Variants in STXBP5L observed in about 807,000 individuals in gnomAD.
The protein encoded by STXBP5L is syntaxin binding protein 5L.
A neutral mutation model predicts 144.5 loss-of-function variants in STXBP5L; 65 were observed. That is an observed-to-expected ratio of 0.45 (90% CI 0.37 to 0.55). The LOEUF (loss-of-function observed/expected upper bound fraction) is 0.55, where lower values mean the gene tolerates loss of function less well. STXBP5L is among the 20% of genes least tolerant of loss of function. The pLI, the probability that STXBP5L is intolerant of heterozygous loss-of-function variation, is 0.00. For synonymous variants in STXBP5L, 505 were observed against 469.6 expected, an observed-to-expected ratio of 1.08 and a Z score of -0.97; for missense variants, 1,298 against 1,405.5, an observed-to-expected ratio of 0.92 and a Z score of 1.22.
intron 2 of STXBP5L, among the ~76,000 whole-genome samples, chr3:120,914,113 A>C (rs1349158418): frequency 1.3e-5 from 2 of 152,058 alleles, no homozygotes; most frequent in Non-Finnish European, 2.9e-5. Context: ...ATTGAAGAAG[A>C]TATTAGGAAC....
intron 20 of STXBP5L, among the ~76,000 whole-genome samples, chr3:121,346,922 G>A (rs13070710): frequency 0.49 from 74,310 of 151,964 alleles, 18,585 homozygotes; most frequent in East Asian, 0.71. Context: ...CTCTGATGGC[G>A]GTTTCTTTTG....
At chr3:121,025,560 G>C (rs1945866734) in intron 3 of STXBP5L, among the ~76,000 whole-genome samples, 1 of 151,932 alleles carries the variant, frequency 6.6e-6, no homozygotes, top group South Asian at 2.1e-4. Flanking sequence ...AGGTTTTACT[G>C]TTCCATATAT....
chr3:121,101,175 T>G (rs2043403880), intron 5 of STXBP5L, among the ~76,000 whole-genome samples: 1 of 152,056 alleles, frequency 6.6e-6, no homozygotes, highest in African/African-American at 2.4e-5. Context: ...CAAAGAAAGC[T>G]GGTTCCAGTT....
intron 18 of STXBP5L, among the ~76,000 whole-genome samples, chr3:121,261,923 G>A (rs2050395274): frequency 6.6e-6 from 1 of 152,176 alleles, no homozygotes; most frequent in Admixed American, 6.5e-5. Flanking sequence ...ATTGCTCACA[G>A]TTCTGGAGGC....
At chr3:121,047,602 C>T (rs543209260) in intron 5 of STXBP5L, among the ~76,000 whole-genome samples, 12 of 152,172 alleles carry the variant, frequency 7.9e-5, no homozygotes, top group South Asian at 2.1e-4. Context: ...TTTACCATTA[C>T]GTAATGTCCT....
At chr3:121,238,827 T>C (rs1476937828) in intron 12 of STXBP5L, 144 bp from the exon 13 acceptor site, 10 of 760,510 alleles carry the variant, frequency 1.3e-5, no homozygotes, top group Non-Finnish European at 1.7e-5. Context: ...GCATTTTTGT[T>C]CATACAATTC....
intron 3 of STXBP5L, among the ~76,000 whole-genome samples, chr3:121,023,385 A>G (rs1263936604): frequency 6.6e-6 from 1 of 152,214 alleles, no homozygotes; most frequent in African/African-American, 2.4e-5. Context: ...ACAGAACTAG[A>G]AAATACAATC....
rs976421679 is a variant in STXBP5L at position 121,087,847 on chromosome 3, A to G, written c.471-27078A>G. ...TATTTCTTTGTATCACTTTTTAAAG[A>G]GGTTGCTATAGGTATTTTATTATAT... On this transcript the variant is annotated intron_variant, in intron 5 of 26. Transcript: ENST00000471454. Among the ~76,000 whole-genome samples the G allele has an allele frequency of 1.5e-4, 23 of 152,138 alleles. No homozygotes were observed. The South Asian group carries it at 4.3e-3, about 29-fold the overall frequency.
intron 5 of STXBP5L, among the ~76,000 whole-genome samples, chr3:121,085,655 T>C (rs962886458): frequency 6.6e-6 from 1 of 152,160 alleles, no homozygotes; most frequent in South Asian, 2.1e-4. Flanking sequence ...TACAAACCAC[T>C]GCTCAAGGAA....
intron 5 of STXBP5L, among the ~76,000 whole-genome samples, chr3:121,052,866 T>C (rs1479480245): frequency 6.6e-6 from 1 of 152,106 alleles, no homozygotes; most frequent in African/African-American, 2.4e-5. Flanking sequence ...CAGCCCAAAA[T>C]CTCCTTAAGC....
intron 3 of STXBP5L, among the ~76,000 whole-genome samples, chr3:121,010,245 T>C (rs376358518): frequency 2.4e-4 from 37 of 151,784 alleles, no homozygotes; most frequent in African/African-American, 8.9e-4. Context: ...ATATATATCT[T>C]TGGGGAAGGA....
At chr3:121,294,017 T>C (rs754850286) in intron 19 of STXBP5L, among the ~76,000 whole-genome samples, 13 of 152,224 alleles carry the variant, frequency 8.5e-5, no homozygotes, top group Admixed American at 3.3e-4. Flanking sequence ...AAGGACAAGA[T>C]CATAAAAGCT....
At position 121,254,906 on chromosome 3, in the gene STXBP5L, A is replaced by G. The variant is rs572589116; in HGVS notation, c.1453A>G (p.Met485Val). The G allele has an allele frequency of 2.3e-5, 37 of 1,611,952 alleles. No homozygotes were observed. In the East Asian group the frequency reaches 6.7e-4, roughly 29 times the overall value. Residue 485 changes from methionine (M) to valine (V), a missense_variant, in exon 16 of 27, where the codon ATG becomes GTG. Coordinates refer to ENST00000471454, the MANE Select transcript of STXBP5L (RefSeq NM_001308330.2). Reference sequence around the variant, plus strand: ...TCGATGTCTTATAGTAACTCTGCAGATGCTGTACAAGCTAAAAACTTCAAA... The same window carrying G: ...TCGATGTCTTATAGTAACTCTGCAGGTGCTGTACAAGCTAAAAACTTCAAA... ...FWDASAITLQ[M>V]LYKLKTSKVF...
intron 5 of STXBP5L, among the ~76,000 whole-genome samples, chr3:121,048,415 C>T (rs1947675440): frequency 6.6e-6 from 1 of 152,144 alleles, no homozygotes; most frequent in Non-Finnish European, 1.5e-5. Flanking sequence ...GGGACGTTTT[C>T]ATGGGTGATA....
intron 8 of STXBP5L, among the ~76,000 whole-genome samples, chr3:121,155,321 C>G (rs2046075015): frequency 1.3e-5 from 2 of 151,844 alleles, no homozygotes; most frequent in Admixed American, 1.3e-4. Context: ...TTTGCTCCTT[C>G]TAACTTCTCA....
At chr3:121,352,700 C>T (rs1020609453) in intron 20 of STXBP5L, among the ~76,000 whole-genome samples, 10 of 151,960 alleles carry the variant, frequency 6.6e-5, no homozygotes, top group Non-Finnish European at 1.3e-4. Context: ...TTGCCCTGGC[C>T]AGAACTTCCA....
At chr3:121,125,835 A>T (rs940021132) in intron 7 of STXBP5L, among the ~76,000 whole-genome samples, 8 of 152,196 alleles carry the variant, frequency 5.3e-5, no homozygotes, top group Admixed American at 4.6e-4. Context: ...CAAATGACAC[A>T]ATTCTGAAGA....
At chr3:121,244,305 C>A (rs2049769040) in intron 14 of STXBP5L, among the ~76,000 whole-genome samples, 1 of 151,394 alleles carries the variant, frequency 6.6e-6, no homozygotes, top group African/African-American at 2.4e-5. Flanking sequence ...ACAGACTTGG[C>A]CAAGCAGAAG....
intron 20 of STXBP5L, among the ~76,000 whole-genome samples, chr3:121,342,654 T>C (rs1321426937): frequency 1.3e-5 from 2 of 151,820 alleles, no homozygotes; most frequent in African/African-American, 4.8e-5. Context: ...ATTTCATCCA[T>C]GTCCCTACAA....
Sources: allele counts gnomAD v4.1 joint callset (sites outside exome capture counted in the v4.1 genomes callset), GRCh38; gene constraint gnomAD v4.1.1; transcripts MANE v1.5; gene names NCBI Gene and HGNC (gene_info 2026-07-23, HGNC 2026-07-21).